KIAA1217: variants seen among roughly 807,000 people sequenced by gnomAD.
The protein encoded by KIAA1217 is sickle tail protein homolog.
KIAA1217 carries 88 observed loss-of-function variants against 163.9 expected under a neutral mutation model. The observed-to-expected ratio is 0.54, with a 90% confidence interval of 0.45 to 0.64. The LOEUF (loss-of-function observed/expected upper bound fraction) is 0.64. Ranked by LOEUF, KIAA1217 falls within the 30% of genes least tolerant of loss-of-function variation. KIAA1217 has a pLI of 0.00. For missense variants in KIAA1217, 2,372 were observed against 2,475.0 expected (o/e 0.96, Z 0.88); for synonymous variants, 903 against 923.1 (o/e 0.98, Z 0.39).
intron 5 of KIAA1217, among the ~76,000 whole-genome samples, chr10:24,461,241 TG>T (rs1240341637): frequency 6.6e-6 from 1 of 152,238 alleles, no homozygotes; most frequent in Non-Finnish European, 1.5e-5. Context: ...ATTTTCATGC[TG>T]TAATCATCCT....
intron 1 of KIAA1217, among the ~76,000 whole-genome samples, chr10:23,824,746 G>C (rs561278865): frequency 6.8e-6 from 1 of 147,882 alleles, no homozygotes; most frequent in East Asian, 2.0e-4. Context: ...AGAAAGTGTA[G>C]AGGGCTTTAA....
chr10:23,988,596 A>G (rs1022034400), intron 1 of KIAA1217, among the ~76,000 whole-genome samples: 1 of 152,210 alleles, frequency 6.6e-6, no homozygotes, highest in African/African-American at 2.4e-5. Context: ...ATGCATACAA[A>G]CCATGTGAAG....
At chr10:23,917,295 T>A (rs1426759279) in intron 1 of KIAA1217, among the ~76,000 whole-genome samples, 3 of 152,032 alleles carry the variant, frequency 2.0e-5, no homozygotes, top group African/African-American at 7.2e-5. Context: ...AAAACCATGG[T>A]CCCTCACTCA....
chr10:23,851,360 G>T (rs1417961881), intron 1 of KIAA1217, among the ~76,000 whole-genome samples: 13 of 152,270 alleles, frequency 8.5e-5, no homozygotes, highest in Non-Finnish European at 1.9e-4. Flanking sequence ...TTTTATGGCT[G>T]CATAGTATTC....
chr10:24,486,091 C>T (rs1012727651), intron 6 of KIAA1217, among the ~76,000 whole-genome samples: 13 of 152,328 alleles, frequency 8.5e-5, no homozygotes, highest in East Asian at 3.9e-4. Flanking sequence ...AGCCATTGCT[C>T]TCGACCTCAC....
rs747582449 is a variant in KIAA1217 at position 24,337,650 on chromosome 10, C to CTT, written c.355-43208_355-43207dup. 8.8e-3 allele frequency among the ~76,000 whole-genome samples: 359 copies of CTT among 40,856 alleles called. 20 individuals carry two copies. Among genetic ancestry groups the CTT allele is most frequent in the African/African-American group, 0.063 (329 of 5,186 alleles). 26.8% of individuals were successfully genotyped at this position (40,856 alleles called of 152,430 possible). A position where few individuals can be genotyped will look rare whatever the true frequency, so the allele number is the denominator to read the frequency against. On this transcript the variant is annotated intron_variant, in intron 2 of 20. Coordinates refer to ENST00000376454, the MANE Select transcript of KIAA1217 (RefSeq NM_019590.5). Reference sequence around the variant, plus strand: ...CTTTTCTTTTCTTTTCTTTTCTTTTCTTTTTTTTTTTTGAGACGAGTCTCA... The same window carrying CTT: ...CTTTTCTTTTCTTTTCTTTTCTTTTCTTTTTTTTTTTTTTGAGACGAGTCTCA...
chr10:23,934,835 T>G (rs2131321647), intron 1 of KIAA1217, among the ~76,000 whole-genome samples: 1 of 151,506 alleles, frequency 6.6e-6, no homozygotes, highest in African/African-American at 2.4e-5. Flanking sequence ...GCCAGGATGG[T>G]CTCGATCTCC....
At chr10:24,043,526 C>A (rs1848767200) in intron 2 of KIAA1217, among the ~76,000 whole-genome samples, 1 of 152,038 alleles carries the variant, frequency 6.6e-6, no homozygotes, top group East Asian at 1.9e-4. Flanking sequence ...CCACTGTGAT[C>A]AATGACATGC....
intron 5 of KIAA1217, among the ~76,000 whole-genome samples, chr10:24,454,746 G>A (rs1267082614): frequency 6.6e-6 from 1 of 152,120 alleles, no homozygotes; most frequent in African/African-American, 2.4e-5. Flanking sequence ...TTGCAGTAGG[G>A]ACTGAGGGAT....
At chr10:24,117,808 TTCA>T (rs1233559371) in intron 2 of KIAA1217, among the ~76,000 whole-genome samples, 1 of 152,152 alleles carries the variant, frequency 6.6e-6, no homozygotes, top group Non-Finnish European at 1.5e-5. Flanking sequence ...AAGCAGTATC[TTCA>T]TCACATATTT....
At position 24,524,808 on chromosome 10, in the gene KIAA1217, G is replaced by A. The variant is rs138889018; in HGVS notation, c.2898+44G>A. The stretch of plus-strand genomic sequence containing the variant: ...TTCTCATAACCCCATAAAGGAGTCT[G>A]ATACATGGACCTTTCCCTTAAAGCA... On this transcript the variant is annotated intron_variant, in intron 13 of 20. Transcript: ENST00000376454. 2,723 of 1,471,692 alleles carry A rather than the reference G, an allele frequency of 1.9e-3. 47 individuals carry two copies. In the African/African-American group the frequency reaches 0.034, roughly 19 times the overall value. The allele number at this position is 1,471,692 out of a possible 1,614,324, so 91.2% of individuals were successfully genotyped here. A position where few individuals can be genotyped will look rare whatever the true frequency, so the allele number is the denominator to read the frequency against.
At chr10:24,163,458 A>G (rs770416553) in intron 2 of KIAA1217, among the ~76,000 whole-genome samples, 5 of 152,214 alleles carry the variant, frequency 3.3e-5, no homozygotes, top group Non-Finnish European at 5.9e-5. Context: ...CATGAAAGTT[A>G]TGAAGGTGAT....
chr10:24,195,182 G>A (rs934273415), intron 2 of KIAA1217, among the ~76,000 whole-genome samples: 1 of 152,154 alleles, frequency 6.6e-6, no homozygotes, highest in African/African-American at 2.4e-5. Context: ...GGAGAAGTAA[G>A]AGTCCCTGTC....
intron 8 of KIAA1217, among the ~76,000 whole-genome samples, chr10:24,499,667 G>C (rs1273707898): frequency 1.3e-5 from 2 of 152,112 alleles, no homozygotes; most frequent in African/African-American, 4.8e-5. Context: ...AGGAGGCAGA[G>C]GCTGCAGTGA....
At chr10:24,240,513 T>C (rs1203193895) in intron 2 of KIAA1217, among the ~76,000 whole-genome samples, 1 of 152,210 alleles carries the variant, frequency 6.6e-6, no homozygotes, top group African/African-American at 2.4e-5. Context: ...CCACAGTTAT[T>C]GCAAAACAGT....
intron 2 of KIAA1217, among the ~76,000 whole-genome samples, chr10:24,252,559 G>A (rs984073059): frequency 7.2e-5 from 11 of 152,096 alleles, no homozygotes; most frequent in Non-Finnish European, 1.3e-4. Context: ...CAAGCTGGGC[G>A]ACAGCAAGAC....
At chr10:24,010,178 G>C (rs574528240) in intron 2 of KIAA1217, among the ~76,000 whole-genome samples, 2 of 151,432 alleles carry the variant, frequency 1.3e-5, no homozygotes, top group Non-Finnish European at 2.9e-5. Flanking sequence ...CTGTATGAAC[G>C]CTTTTTAAAA....
intron 2 of KIAA1217, among the ~76,000 whole-genome samples, chr10:24,279,527 C>T (rs1246281051): frequency 6.6e-6 from 1 of 151,982 alleles, no homozygotes; most frequent in Non-Finnish European, 1.5e-5. Flanking sequence ...GTGAAAGGGA[C>T]TGAAGGATTT....
intron 1 of KIAA1217, among the ~76,000 whole-genome samples, chr10:23,867,468 C>A (rs1840249710): frequency 6.6e-6 from 1 of 152,194 alleles, no homozygotes; most frequent in Admixed American, 6.5e-5. Flanking sequence ...GTCCCATCAA[C>A]AGTTTAAAAG....
Sources: allele counts gnomAD v4.1 joint callset (sites outside exome capture counted in the v4.1 genomes callset), GRCh38; gene constraint gnomAD v4.1.1; transcripts MANE v1.5; gene names NCBI Gene and HGNC (gene_info 2026-07-23, HGNC 2026-07-21).